Variants in GDF1 observed in about 807,000 individuals in gnomAD.
The protein encoded by GDF1 is embryonic growth/differentiation factor 1.
In GDF1, 8 loss-of-function variants were observed where a neutral mutation model predicts 7.4. That is an observed-to-expected ratio of 1.09 (90% CI 0.64 to 1.96). The LOEUF is 1.96. Ranked by LOEUF, GDF1 falls within the 30% of genes most tolerant of loss-of-function variation. The probability of loss-of-function intolerance (pLI) is 0.00; values close to 1 mark genes in which losing one functional copy is unlikely to be tolerated. For synonymous variants in GDF1, 311 were observed against 276.7 expected (o/e 1.12, Z -1.23); for missense variants, 574 against 551.5 (o/e 1.04, Z -0.41).
In GDF1 at chr19:18,895,989, GC is replaced by G; in HGVS notation, c.-1240del. The G allele has an allele frequency of 1.9e-6, 2 of 1,038,256 alleles. No homozygotes were observed. Among genetic ancestry groups the G allele is most frequent in the South Asian group, 3.5e-5 (1 of 28,364 alleles). The allele number at this position is 1,038,256 out of a possible 1,614,324, so 64.3% of individuals were successfully genotyped here. ...AGCCCCGCGCCGCCGCCAGCGCGCTGCCCCAGCCGCGCTGCACTAGCTGCGC... is the reference window on the plus strand; with the variant it reads ...AGCCCCGCGCCGCCGCCAGCGCGCTGCCCAGCCGCGCTGCACTAGCTGCGC... On this transcript the variant is annotated 5_prime_UTR_variant, in exon 1 of 8. The change creates a premature stop within an existing upstream ORF in the 5' untranslated region. Coordinates refer to ENST00000247005, the MANE Select transcript of GDF1 (RefSeq NM_001492.6). The surrounding 1 kb of genome is among the most constrained non-coding windows in gnomAD (Gnocchi z 6.4).
intron 3 of GDF1, 109 bp downstream of exon 3, chr19:18,883,978 G>T: frequency 8.2e-7 from 1 of 1,224,828 alleles, no homozygotes; most frequent in Non-Finnish European, 1.1e-6. Context: ...TGAGCACTCC[G>T]ACCTGATGTG....
intron 6 of GDF1, among the ~76,000 whole-genome samples, chr19:18,874,562 G>A (rs977364611): frequency 4.6e-5 from 7 of 152,258 alleles, no homozygotes; most frequent in Admixed American, 1.3e-4. Context: ...CAGATCCAGA[G>A]AGAGGTGAGA....
intron 3 of GDF1, chr19:18,881,909 A>AGT (rs1224629194): frequency 6.6e-6 from 1 of 152,196 alleles, no homozygotes; most frequent in African/African-American, 2.4e-5. Context: ...TCCCGGGTTC[A>AGT]AGCGATTCTC....
At chr19:18,891,892 C>T (rs2056500003) in intron 2 of GDF1, among the ~76,000 whole-genome samples, 1 of 150,014 alleles carries the variant, frequency 6.7e-6, no homozygotes, top group African/African-American at 2.5e-5. Context: ...TTCTCATTCT[C>T]ATCTTTTTTT....
chr19:18,871,853 CT>C (rs768855980), intron 6 of GDF1, among the ~76,000 whole-genome samples: 8 of 152,198 alleles, frequency 5.3e-5, no homozygotes, highest in Non-Finnish European at 1.2e-4. Context: ...TTCATCCACC[CT>C]TGTGGCTTCT....
In GDF1 at chr19:18,878,641, GCCACA is replaced by G. The variant is rs2056111034; in HGVS notation, c.-313+284_-313+288del. 1.6e-6 allele frequency: 2 copies of G among 1,220,940 alleles called. No individual in the cohort carries two copies. Among genetic ancestry groups the G allele is most frequent in the African/African-American group, 3.1e-5 (2 of 64,126 alleles). The allele number at this position is 1,220,940 out of a possible 1,614,324, so 75.6% of individuals were successfully genotyped here. On this transcript the variant is annotated intron_variant, in intron 6 of 7. Coordinates refer to ENST00000247005, the MANE Select transcript of GDF1 (RefSeq NM_001492.6). This position sits in a 1 kb window ranked among gnomAD's most constrained non-coding sequence, Gnocchi z 4.6. ...CACAGGGCCCTGGCTCGCCACTCCC[GCCACA>G]CCAGCCACTAGGCCTGGCCCTCAGT...
Position 18,870,394 on chromosome 19 carries a change from G to A in GDF1, c.-87C>T. 1 of 1,441,036 alleles carries A rather than the reference G, an allele frequency of 6.9e-7. No homozygotes were observed. The highest frequency in any genetic ancestry group is 9.4e-7 in the Non-Finnish European group (1 of 1,060,774). 89.3% of individuals were successfully genotyped at this position (1,441,036 alleles called of 1,614,324 possible). ...TGAGGGCGGGGCCGGTGTCCCCGGA[G>A]GGGCAGGGGTCCTGGGGGGCGTGGC... is the stretch of plus-strand genomic sequence containing the variant. On this transcript the variant is annotated 5_prime_UTR_variant, in exon 7 of 8. Transcript: ENST00000247005. The surrounding 1 kb of genome is among the most constrained non-coding windows in gnomAD (Gnocchi z 5.1).
chr19:18,893,343 T>G, intron 2 of GDF1, 73 bp downstream of exon 2: 2 of 1,482,762 alleles, frequency 1.3e-6, no homozygotes, highest in Non-Finnish European at 1.8e-6. Context: ...GCCTCATGAG[T>G]AGCTGGGACC....
chr19:18,876,491 G>A (rs2056062444), intron 6 of GDF1, among the ~76,000 whole-genome samples: 1 of 151,894 alleles, frequency 6.6e-6, no homozygotes, highest in Non-Finnish European at 1.5e-5. Context: ...ATAGGTGTGT[G>A]CCACAACACA....
Position 18,880,336 on chromosome 19 carries a change from G to A in GDF1, c.-633C>T. 6.4e-7 allele frequency: 1 copy of A among 1,555,926 alleles called. No individual in the cohort carries two copies. Among genetic ancestry groups the A allele is most frequent in the Non-Finnish European group, 8.7e-7 (1 of 1,149,876 alleles). Reference sequence around the variant, plus strand: ...CCAAGGCATGCAGCCGATGGTAGGAGCCGCCGCGGGACTTGAAGTAAATGT... The same window carrying A: ...CCAAGGCATGCAGCCGATGGTAGGAACCGCCGCGGGACTTGAAGTAAATGT... On this transcript the variant is annotated 5_prime_UTR_variant, in exon 4 of 8. Coordinates refer to ENST00000247005, the MANE Select transcript of GDF1 (RefSeq NM_001492.6).
rs1601143839 is a variant in GDF1, at chr19:18,869,245, T to C, written c.471A>G (p.Ala157=). 1 of 1,428,274 alleles carries C rather than the reference T, an allele frequency of 7.0e-7. No individual in the cohort carries two copies. The highest frequency in any genetic ancestry group is 1.4e-5 in the South Asian group (1 of 68,974). The allele number at this position is 1,428,274 out of a possible 1,614,324, so 88.5% of individuals were successfully genotyped here. ...TCAGCTCCCAGCCGCCCTCCGGGGCTGCCGCCGCCGCCGCCGCGAAACGCA... is the reference window on the plus strand; with the variant it reads ...TCAGCTCCCAGCCGCCCTCCGGGGCCGCCGCCGCCGCCGCCGCGAAACGCA... ...LELRFAAAAA[A]APEGGWELSV... The change falls in exon 8 of 8, where the codon GCA becomes GCG. Residue 157 remains alanine (A), a synonymous_variant. Transcript: ENST00000247005.
At position 18,895,445 on chromosome 19, in the gene GDF1, CG is replaced by C. The variant is rs764982845; in HGVS notation, c.-1074+378del. ...CCTGCCGGAAAGAGCGCGCGGTGGC[CG>C]GAGCCATCCACCGCGCGGGGCCCCC... On this transcript the variant is annotated intron_variant, in intron 1 of 7. Coordinates refer to ENST00000247005, the MANE Select transcript of GDF1 (RefSeq NM_001492.6). This position sits in a 1 kb window ranked among gnomAD's most constrained non-coding sequence, Gnocchi z 6.4. Among the ~76,000 whole-genome samples the C allele has an allele frequency of 6.1e-4, 93 of 152,198 alleles. No homozygotes were observed. The highest frequency in any genetic ancestry group is 1.2e-3 in the Non-Finnish European group (79 of 67,978).
intron 2 of GDF1, among the ~76,000 whole-genome samples, chr19:18,886,050 A>C (rs895841359): frequency 2.0e-5 from 3 of 151,990 alleles, no homozygotes; most frequent in African/African-American, 7.3e-5. Flanking sequence ...AGCCCACCCC[A>C]CCACGTCCAC....
chr19:18,872,805 C>T (rs1258518552), intron 6 of GDF1, among the ~76,000 whole-genome samples: 2 of 151,406 alleles, frequency 1.3e-5, no homozygotes, highest in African/African-American at 2.4e-5. Context: ...GTGAGCGCCG[C>T]GCCTGGCTAA....
At position 18,869,153 on chromosome 19, in the gene GDF1, G is replaced by A; in HGVS notation, c.563C>T (p.Pro188Leu). The change falls in exon 8 of 8, where the codon CCC becomes CTC. Residue 188 changes from proline to leucine, a missense_variant. By Grantham distance (98) the Pro-to-Leu change is moderately conservative (BLOSUM62 -3). Transcript: ENST00000247005. ...CGCGCGCACTGGCGGCCCCAGGGCG[G>A]GCACCAACTGGCGGAGCAGCACCGG... ...PGPVLLRQLV[P>L]ALGPPVRAEL... 1.8e-6 allele frequency: 2 copies of A among 1,128,408 alleles called. No individual in the cohort carries two copies. The highest frequency in any genetic ancestry group is 1.1e-6 in the Non-Finnish European group (1 of 921,192). The allele number at this position is 1,128,408 out of a possible 1,614,324, so 69.9% of individuals were successfully genotyped here.
At position 18,870,173 on chromosome 19, in the gene GDF1, C is replaced by T. The variant is rs2055941330; in HGVS notation, c.135G>A (p.Leu45=). Residue 45 remains leucine, a synonymous_variant, in exon 7 of 8, where the codon CTG becomes CTA. Coordinates refer to ENST00000247005, the MANE Select transcript of GDF1 (RefSeq NM_001492.6). The surrounding 1 kb of genome is among the most constrained non-coding windows in gnomAD (Gnocchi z 5.1). ...TGGGGGCACCCTGGGGCTCATCGCGCAGTCCTAGAGCCTGGAGCAGGGCGG... is the reference window on the plus strand; with the variant it reads ...TGGGGGCACCCTGGGGCTCATCGCGTAGTCCTAGAGCCTGGAGCAGGGCGG... ...PAAALLQALG[L]RDEPQGAPRL... The T allele has an allele frequency of 1.3e-6, 2 of 1,560,898 alleles. No individual in the cohort carries two copies. The highest frequency in any genetic ancestry group is 1.3e-5 in the African/African-American group (1 of 74,306).
chr19:18,870,960 C>T lies in GDF1; in HGVS notation c.-312-341G>A, dbSNP rs111390670. Among the ~76,000 whole-genome samples the T allele has an allele frequency of 1.7e-4, 26 of 152,352 alleles. No homozygotes were observed. Among genetic ancestry groups the T allele is most frequent in the African/African-American group, 6.3e-4 (26 of 41,588 alleles). On this transcript the variant is annotated intron_variant, in intron 6 of 7. Transcript: ENST00000247005. This position sits in a 1 kb window ranked among gnomAD's most constrained non-coding sequence, Gnocchi z 5.1. The stretch of plus-strand genomic sequence containing the variant: ...TACCGGCCTGGGCCTGACAACTCCA[C>T]CGCCTCCACAGTGGGACCCTGCACA...
intron 2 of GDF1, among the ~76,000 whole-genome samples, chr19:18,893,074 C>T (rs559413646): frequency 2.0e-5 from 3 of 151,988 alleles, no homozygotes; most frequent in East Asian, 1.9e-4. Context: ...CCACCACACC[C>T]GGCTAATTTT....
At position 18,880,255 on chromosome 19, in the gene GDF1, A is replaced by C. The variant is rs1270772988; in HGVS notation, c.-571+19T>G. On this transcript the variant is annotated intron_variant, in intron 4 of 7. Coordinates refer to ENST00000247005, the MANE Select transcript of GDF1 (RefSeq NM_001492.6). ...CCAGGCCACACCTCCCTCCCTGCCC[A>C]GCACTCCCTACCACTCACCAGCTGA... The C allele has an allele frequency of 6.5e-7, 1 of 1,535,580 alleles. No individual in the cohort carries two copies. Among genetic ancestry groups the C allele is most frequent in the Non-Finnish European group, 8.8e-7 (1 of 1,137,702 alleles).
Sources: allele counts gnomAD v4.1 joint callset (sites outside exome capture counted in the v4.1 genomes callset), GRCh38; gene constraint gnomAD v4.1.1; non-coding constraint Gnocchi (gnomAD v3.1); transcripts MANE v1.5; gene names NCBI Gene and HGNC (gene_info 2026-07-23, HGNC 2026-07-21).